The following KCTD2 variants were observed in gnomAD, a reference collection of about 807,000 sequenced individuals.
The protein encoded by KCTD2 is potassium channel tetramerization domain containing 2, also known as BTB/POZ domain-containing protein KCTD2.
Under a neutral mutation model 27.9 loss-of-function variants are expected in KCTD2, and 18 were observed. The observed-to-expected ratio is 0.64, with a 90% CI of 0.45 to 0.96. KCTD2 has a LOEUF of 0.96. KCTD2 is among the 40% of genes least tolerant of loss of function. KCTD2 has a pLI of 0.00. For missense variants in KCTD2, 280 were observed against 348.0 expected (o/e 0.80, Z 1.56); for synonymous variants, 175 against 148.4 (o/e 1.18, Z -1.30).
Position 75,052,066 on chromosome 17 carries a change from CAGG to C in KCTD2, c.449-944_449-942del, listed in dbSNP as rs1033119138. Reference sequence around the variant, plus strand: ...GCAGATTGGACAAAAATATCAAGTTCAGGAGGTGTCCAACATGACTAGTTCCAG... The same window carrying C: ...GCAGATTGGACAAAAATATCAAGTTCAGGTGTCCAACATGACTAGTTCCAG... On this transcript the variant is annotated intron_variant, in intron 2 of 5. Coordinates refer to ENST00000322444, the MANE Select transcript of KCTD2 (RefSeq NM_015353.3). 1.2e-3 allele frequency among the ~76,000 whole-genome samples: 179 copies of C among 151,962 alleles called. 1 individual carries two copies. Among genetic ancestry groups the C allele is most frequent in the African/African-American group, 4.0e-3 (165 of 41,484 alleles).
At chr17:75,044,821 A>G (rs1199227499), upstream of KCTD2, among the ~76,000 whole-genome samples, 2 of 152,216 alleles carry the variant, frequency 1.3e-5, no homozygotes, top group Non-Finnish European at 2.9e-5. Flanking sequence ...AATGCAAGGG[A>G]GGCGGAAGCA....
intron 2 of KCTD2, among the ~76,000 whole-genome samples, chr17:75,035,035 G>A (rs902810232): frequency 2.6e-5 from 4 of 152,156 alleles, no homozygotes; most frequent in Admixed American, 6.5e-5. Flanking sequence ...CGGCCAGGGT[G>A]CGAGCAGTGA....
At chr17:75,044,015 G>T (rs572502642), upstream of KCTD2, among the ~76,000 whole-genome samples, 2 of 145,652 alleles carry the variant, frequency 1.4e-5, no homozygotes, top group African/African-American at 5.3e-5. Flanking sequence ...ACCAGCACAC[G>T]TTGTGCACTT....
intron 1 of KCTD2, 143 bp downstream of exon 1, chr17:75,047,732 C>T (rs566008011): frequency 2.2e-5 from 16 of 743,102 alleles, no homozygotes; most frequent in African/African-American, 1.7e-4. Flanking sequence ...CCACACTACT[C>T]GCAGGGGCCT....
chr17:75,034,901 T>C (rs558903303), intron 2 of KCTD2, among the ~76,000 whole-genome samples: 1 of 151,996 alleles, frequency 6.6e-6, no homozygotes, highest in South Asian at 2.1e-4. Context: ...AGACGCCTCA[T>C]CCCTTAGGCC....
intron 3 of KCTD2, chr17:75,040,576 T>C (rs1001924246): frequency 3.4e-5 from 7 of 207,038 alleles, no homozygotes; most frequent in Admixed American, 1.1e-4. Flanking sequence ...GCGTAATGAA[T>C]GGTCTCCTTA....
At chr17:75,061,704 C>T (rs2073405020) in intron 4 of KCTD2, among the ~76,000 whole-genome samples, 1 of 152,138 alleles carries the variant, frequency 6.6e-6, no homozygotes, top group Non-Finnish European at 1.5e-5. Flanking sequence ...GTGATTGGCT[C>T]GGTGCTTTCC....
At chr17:75,055,463 C>A (rs2073339645) in intron 3 of KCTD2, among the ~76,000 whole-genome samples, 1 of 151,958 alleles carries the variant, frequency 6.6e-6, no homozygotes, top group Non-Finnish European at 1.5e-5. Context: ...CGCCTGTAAT[C>A]CCAGCACTCT....
At chr17:75,060,699 G>T (rs752657197) in intron 4 of KCTD2, 3 of 1,201,330 alleles carry the variant, frequency 2.5e-6, no homozygotes, top group Non-Finnish European at 3.4e-6. Flanking sequence ...TCAGGGTCTC[G>T]GTCGCCGCCA....
chr17:75,065,352 C>G lies in KCTD2; in HGVS notation c.*2305C>G, dbSNP rs2073446724. 6.6e-6 allele frequency: 1 copy of G among 152,244 alleles called. No homozygotes were observed. Among genetic ancestry groups the G allele is most frequent in the Non-Finnish European group, 1.5e-5 (1 of 68,066 alleles). The allele number at this position is 152,244 out of a possible 1,614,324, so 9.4% of individuals were successfully genotyped here. A position where few individuals can be genotyped will look rare whatever the true frequency, so the allele number is the denominator to read the frequency against. ...TTTAGGAACCAGGCTGGTGTTCTTG[C>G]TTGAAAGCGTTGTGCCCTCTGAGTG... On this transcript the variant is annotated 3_prime_UTR_variant, in exon 6 of 6. Coordinates refer to ENST00000322444, the MANE Select transcript of KCTD2 (RefSeq NM_015353.3).
intron 1 of KCTD2, 137 bp downstream of exon 1, chr17:75,047,726 A>T: frequency 1.3e-6 from 1 of 773,948 alleles, no homozygotes; most frequent in South Asian, 1.8e-5. Context: ...TCCCTCCCAC[A>T]CTACTCGCAG....
intron 3 of KCTD2, chr17:75,035,904 C>T (rs568322468): frequency 9.4e-5 from 30 of 320,276 alleles, no homozygotes; most frequent in South Asian, 5.7e-4. Flanking sequence ...TGCTGCCCAA[C>T]TCTGTGGCCT....
rs565510813 is a variant in KCTD2 at position 75,062,875 on chromosome 17, G to A, written c.763-143G>A. 8.9e-5 allele frequency: 70 copies of A among 789,504 alleles called. No individual in the cohort carries two copies. In the East Asian group the frequency reaches 1.7e-3, roughly 19 times the overall value. 48.9% of individuals were successfully genotyped at this position (789,504 alleles called of 1,614,324 possible). On this transcript the variant is annotated intron_variant, in intron 5 of 5. Coordinates refer to ENST00000322444, the MANE Select transcript of KCTD2 (RefSeq NM_015353.3). Reference sequence around the variant, plus strand: ...GAGTGTTTCGCACCAGAAGCACTGCGGGTGAGGCTGCGGCTGCACCCCTGC... The same window carrying A: ...GAGTGTTTCGCACCAGAAGCACTGCAGGTGAGGCTGCGGCTGCACCCCTGC...
chr17:75,061,216 CCA>C (rs1390255720), intron 4 of KCTD2, among the ~76,000 whole-genome samples: 1 of 152,240 alleles, frequency 6.6e-6, no homozygotes, highest in Non-Finnish European at 1.5e-5. Flanking sequence ...CCCCATCCTA[CCA>C]CAGTCAGCCA....
upstream of KCTD2, among the ~76,000 whole-genome samples, chr17:75,046,618 T>G (rs986702641): frequency 3.9e-5 from 6 of 152,048 alleles, no homozygotes; most frequent in African/African-American, 1.4e-4. Flanking sequence ...GTTTCCCCAG[T>G]CCCCCCACCA....
At position 75,063,569 on chromosome 17, in the gene KCTD2, T is replaced by A. The variant is rs62087560; in HGVS notation, c.*522T>A. Reference sequence around the variant, plus strand: ...AGCTGCAGTTTGTCGAATTGAGGTTTTAGGTAAAGCATAGAGTTGCCAGAG... The same window carrying A: ...AGCTGCAGTTTGTCGAATTGAGGTTATAGGTAAAGCATAGAGTTGCCAGAG... On this transcript the variant is annotated 3_prime_UTR_variant, in exon 6 of 6. Transcript: ENST00000322444. 4,637 of 158,692 alleles carry A rather than the reference T, an allele frequency of 0.029. 109 individuals are homozygous for A. The highest frequency in any genetic ancestry group is 0.044 in the Non-Finnish European group (3,110 of 71,294). 9.8% of individuals were successfully genotyped at this position (158,692 alleles called of 1,614,324 possible).
At chr17:75,033,044 C>T (rs539237559) in intron 1 of KCTD2, 1 of 152,386 alleles carries the variant, frequency 6.6e-6, no homozygotes, top group African/African-American at 2.4e-5. Flanking sequence ...CCAAGAGAAG[C>T]ACAATGGTAA....
chr17:75,056,952 CTTTTTTT>C (rs35875644), intron 3 of KCTD2, among the ~76,000 whole-genome samples: 76 of 108,016 alleles, frequency 7.0e-4, no homozygotes, highest in African/African-American at 2.7e-3. Context: ...TTTCTTTTTT[CTTTTTTT>C]TTTTTTTTTT....
chr17:75,059,194 A>G (rs1319250077), intron 3 of KCTD2: 1 of 174,020 alleles, frequency 5.7e-6, no homozygotes, highest in African/African-American at 2.4e-5. Context: ...TTGTTGGCAT[A>G]GTTGCTCAAG....
Sources: gnomAD v4.1 joint callset for allele counts (sites outside exome capture counted in the v4.1 genomes callset) on GRCh38, gnomAD v4.1.1 for gene constraint, MANE v1.5 for transcripts, NCBI Gene and HGNC (gene_info 2026-07-23, HGNC 2026-07-21) for gene names.